The following KANK3 variants were observed in gnomAD, a reference collection of about 807,000 sequenced individuals.
KANK3 encodes the protein KN motif and ankyrin repeat domain-containing protein 3.
Under a neutral mutation model 65.4 loss-of-function variants are expected in KANK3, and 61 were observed. The ratio of observed to expected loss-of-function variants is 0.93; its 90% CI spans 0.76 to 1.15. The LOEUF is 1.15. KANK3 is among the 50% of genes most tolerant of loss of function. The pLI is 0.00. For missense variants in KANK3, 1,187 were observed against 1,178.8 expected (o/e 1.01, Z -0.10); for synonymous variants, 586 against 543.3 (o/e 1.08, Z -1.09).
Position 8,335,610 on chromosome 19 carries a change from G to A in KANK3, c.217C>T (p.Pro73Ser). The change falls in exon 3 of 11, where the codon CCC becomes TCC. Residue 73 changes from proline to serine, a missense_variant. Around this residue, in one of 3 missense-constraint regions of KANK3, gnomAD observed 104 missense variants for 122.1 expected, o/e 0.85. Transcript: ENST00000330915. ...RAPGPPTSRR[P>S]RAPRPGLAGA... ...GCGAGGCCGGGCCGGGGCGCGCGGGGACGGCGCGAGGTCGGGGGTCCCGGG... is the reference window on the plus strand; with the variant it reads ...GCGAGGCCGGGCCGGGGCGCGCGGGAACGGCGCGAGGTCGGGGGTCCCGGG... The A allele has an allele frequency of 2.4e-6, 3 of 1,236,608 alleles. No individual in the cohort carries two copies. The highest frequency in any genetic ancestry group is 3.2e-5 in the East Asian group (1 of 31,110). The allele number at this position is 1,236,608 out of a possible 1,614,324, so 76.6% of individuals were successfully genotyped here. A position where few individuals can be genotyped will look rare whatever the true frequency, so the allele number is the denominator to read the frequency against.
Position 8,322,857 on chromosome 19 carries a change from C to A in KANK3, c.2448G>T (p.Glu816Asp). The change falls in exon 11 of 11, where the codon GAG becomes GAT. Residue 816 changes from glutamate to aspartate, a missense_variant. This residue lies in a region of KANK3 where 1,078 missense variants were observed against 1,038.2 expected (regional missense o/e 1.04). Coordinates refer to ENST00000330915, the MANE Select transcript of KANK3 (RefSeq NM_198471.3). ...AGGCAGCTTACTGAACCTGGGGGTT[C>A]TCTCCATTGTCACCGCATTCTCCTT... ...PGEGECGDNG[E>D]NPQVQ is the part of the protein sequence containing the mutation. 1.2e-6 allele frequency: 2 copies of A among 1,600,640 alleles called. No individual in the cohort carries two copies. Among genetic ancestry groups the A allele is most frequent in the Non-Finnish European group, 1.7e-6 (2 of 1,173,788 alleles).
Position 8,328,387 on chromosome 19 carries a change from CCACACACACACACACACACACA to C in KANK3, c.1937-3313_1937-3292del, listed in dbSNP as rs55963090. Among the ~76,000 whole-genome samples the C allele has an allele frequency of 3.6e-3, 517 of 145,208 alleles. 2 individuals carry two copies. The highest frequency in any genetic ancestry group is 0.012 in the African/African-American group (476 of 39,480). ...CTCCACTCTTCACTCACCACCCCCACCACACACACACACACACACACACACACACACACACACACACACACAC... is the reference window on the plus strand; with the variant it reads ...CTCCACTCTTCACTCACCACCCCCACCACACACACACACACACACACACAC... On this transcript the variant is annotated intron_variant, in intron 7 of 10. Transcript: ENST00000330915.
In KANK3 at chr19:8,322,715, C is replaced by T; in HGVS notation, c.*124G>A. On this transcript the variant is annotated 3_prime_UTR_variant, in exon 11 of 11. Coordinates refer to ENST00000330915, the MANE Select transcript of KANK3 (RefSeq NM_198471.3). ...GCCACAGTCACCCCAACTGAAATTG[C>T]CTTTCTCTTCGGCCAGTGTTAGCCT... is the stretch of plus-strand genomic sequence containing the variant. The T allele has an allele frequency of 1.4e-6, 1 of 709,746 alleles. No homozygotes were observed. The highest frequency in any genetic ancestry group is 2.4e-6 in the Non-Finnish European group (1 of 424,410). The allele number at this position is 709,746 out of a possible 1,614,324, so 44.0% of individuals were successfully genotyped here.
At position 8,335,579 on chromosome 19, in the gene KANK3, G is replaced by A; in HGVS notation, c.248C>T (p.Ala83Val). 8.2e-7 allele frequency: 1 copy of A among 1,221,412 alleles called. No individual in the cohort carries two copies. Among genetic ancestry groups the A allele is most frequent in the Non-Finnish European group, 1.0e-6 (1 of 975,136 alleles). The allele number at this position is 1,221,412 out of a possible 1,614,324, so 75.7% of individuals were successfully genotyped here. Residue 83 changes from alanine to valine, a missense_variant, in exon 3 of 11, where the codon GCA (alanine) becomes GTA (valine). This residue lies in a region of KANK3 where 104 missense variants were observed against 122.1 expected (regional missense o/e 0.85). Coordinates refer to ENST00000330915, the MANE Select transcript of KANK3 (RefSeq NM_198471.3). ...PRAPRPGLAG[A>V]RSPGAWTSSE... is the part of the protein sequence containing the mutation. ...GGATGTCCAGGCGCCTGGGCTACGT[G>A]CGCCCGCGAGGCCGGGCCGGGGCGC...
chr19:8,330,427 C>T (rs1970502898), intron 7 of KANK3, among the ~76,000 whole-genome samples: 1 of 152,036 alleles, frequency 6.6e-6, no homozygotes, highest in Admixed American at 6.6e-5. Flanking sequence ...AAACCCATCT[C>T]TACTAAAAAT....
intron 1 of KANK3, among the ~76,000 whole-genome samples, chr19:8,338,766 T>C (rs1970682750): frequency 6.7e-6 from 1 of 149,708 alleles, no homozygotes; most frequent in Non-Finnish European, 1.5e-5. Flanking sequence ...TCCCAGCTAC[T>C]CGGGAGGCTG....
chr19:8,332,846 TAAAATAATA>T, intron 7 of KANK3, 159 bp downstream of exon 7: 1 of 382,260 alleles, frequency 2.6e-6, no homozygotes, highest in Non-Finnish European at 4.6e-6. Context: ...TAAAATAAAA[TAAAATAATA>T]AAATTAAAAT....
At position 8,335,650 on chromosome 19, in the gene KANK3, G is replaced by C; in HGVS notation, c.177C>G (p.Pro59=). The C allele has an allele frequency of 4.0e-6, 5 of 1,248,302 alleles. No homozygotes were observed. The highest frequency in any genetic ancestry group is 5.0e-6 in the Non-Finnish European group (5 of 993,456). 77.3% of individuals were successfully genotyped at this position (1,248,302 alleles called of 1,614,324 possible). The change falls in exon 3 of 11, where the codon CCC becomes CCG. Residue 59 remains proline (P), a synonymous_variant. Transcript: ENST00000330915. The part of the protein sequence containing the change: ...LKYIEELERG[P]AARRAPGPPT... Reference sequence around the variant, plus strand: ...GGGGTCCCGGGGCGCGGCGGGCAGCGGGGCCACGCTCCAGCTCCTCTATGT... The same window carrying C: ...GGGGTCCCGGGGCGCGGCGGGCAGCCGGGCCACGCTCCAGCTCCTCTATGT...
chr19:8,328,387 CCACACACACA>C (rs55963090), intron 7 of KANK3, among the ~76,000 whole-genome samples: 6,050 of 145,154 alleles, frequency 0.042, 241 homozygotes, highest in African/African-American at 0.099. Flanking sequence ...ACCACCCCCA[CCACACACACA>C]CACACACACA....
intron 1 of KANK3, among the ~76,000 whole-genome samples, chr19:8,342,023 A>G (rs1254196169): frequency 6.6e-6 from 1 of 151,948 alleles, no homozygotes; most frequent in Non-Finnish European, 1.5e-5. Context: ...TTTGAGACGG[A>G]GTCTCTGTCA....
chr19:8,335,864 G>T (rs1213036637), intron 2 of KANK3, 72 bp from the exon 3 acceptor site: 12 of 1,078,078 alleles, frequency 1.1e-5, no homozygotes, highest in Non-Finnish European at 1.4e-5. Flanking sequence ...AACAAACCGA[G>T]CGTGTCCCCC....
intron 7 of KANK3, among the ~76,000 whole-genome samples, chr19:8,327,206 C>T (rs1185387456): frequency 6.6e-6 from 1 of 152,064 alleles, no homozygotes; most frequent in East Asian, 1.9e-4. Flanking sequence ...AGTCAAATGA[C>T]AGCAAAAATG....
In KANK3 at chr19:8,334,158, G is replaced by A. The variant is rs754017042; in HGVS notation, c.1428-42C>T. 3.4e-6 allele frequency: 5 copies of A among 1,489,308 alleles called. No individual in the cohort carries two copies. The Admixed American group carries it at 1.1e-4, about 33-fold the overall frequency. The allele number at this position is 1,489,308 out of a possible 1,614,324, so 92.3% of individuals were successfully genotyped here. ...AGGTGTCTGCTAAACCTCCCCTGTG[G>A]GCTCGTTCTGGAGTCCTGCGATGTG... On this transcript the variant is annotated intron_variant, in intron 4 of 10. Coordinates refer to ENST00000330915, the MANE Select transcript of KANK3 (RefSeq NM_198471.3).
intron 3 of KANK3, 21 bp from the exon 4 acceptor site, chr19:8,334,440 G>A: frequency 6.2e-7 from 1 of 1,612,806 alleles, no homozygotes. Flanking sequence ...TGAGATGAGG[G>A]CACTGAGTTC....
chr19:8,330,073 A>G (rs571496947), intron 7 of KANK3, among the ~76,000 whole-genome samples: 1 of 152,254 alleles, frequency 6.6e-6, no homozygotes, highest in South Asian at 2.1e-4. Context: ...GGGCCTAGTC[A>G]GTGACAAGAT....
At position 8,334,327 on chromosome 19, in the gene KANK3, T is replaced by G; in HGVS notation, c.1420A>C (p.Asn474His). Residue 474 changes from asparagine to histidine, a missense_variant, in exon 4 of 11, where the codon AAC (asparagine) becomes CAC (histidine). By Grantham distance (68) the Asn-to-His change is moderately conservative. Transcript: ENST00000330915. The stretch of plus-strand genomic sequence containing the variant: ...GAGGGGAAAGGCGCTCACTCTCCGT[T>G]GAGGACCCCAACAAACTGCAGGCTC... ...PKSLQFVGVL[N>H]GEYESSSSED... 1 of 1,614,094 alleles carries G rather than the reference T, an allele frequency of 6.2e-7. No individual in the cohort carries two copies. Among genetic ancestry groups the G allele is most frequent in the Middle Eastern group, 1.7e-4 (1 of 6,058 alleles).
intron 7 of KANK3, among the ~76,000 whole-genome samples, chr19:8,326,232 C>G (rs1033458384): frequency 6.6e-6 from 1 of 152,000 alleles, no homozygotes; most frequent in Non-Finnish European, 1.5e-5. Flanking sequence ...GAGTTCGAGA[C>G]CAGCCTGGCC....
chr19:8,326,613 C>T (rs1430301162), intron 7 of KANK3, among the ~76,000 whole-genome samples: 2 of 147,952 alleles, frequency 1.4e-5, no homozygotes, highest in African/African-American at 5.1e-5. Flanking sequence ...CAGTGAAACC[C>T]CGTCTCTACT....
chr19:8,340,275 C>CGTATATATATATAT (rs780229218), intron 1 of KANK3, among the ~76,000 whole-genome samples: 145 of 65,910 alleles, frequency 2.2e-3, no homozygotes, highest in African/African-American at 7.7e-3. Context: ...AAAAAAAAAC[C>CGTATATATATATAT]ATATATATAT....
Sources: allele counts gnomAD v4.1 joint callset (sites outside exome capture counted in the v4.1 genomes callset), GRCh38; gene constraint gnomAD v4.1.1; regional missense constraint gnomAD v4.1.1; transcripts MANE v1.5; gene names NCBI Gene and HGNC (gene_info 2026-07-23, HGNC 2026-07-21).